Variants in STK33 observed in about 807,000 individuals in gnomAD.
The protein encoded by STK33 is serine/threonine kinase 33.
In STK33, 52 loss-of-function variants were observed where a neutral mutation model predicts 58.0. The observed-to-expected ratio is 0.90, with a 90% CI of 0.72 to 1.13. STK33 has a LOEUF of 1.13. Among genes scored for constraint, STK33 ranks in the 50% most tolerant of loss-of-function variants. The probability of loss-of-function intolerance (pLI) is 0.00; values close to 1 mark genes in which losing one functional copy is unlikely to be tolerated. For synonymous variants in STK33, 215 were observed against 200.1 expected (o/e 1.07, Z -0.63); for missense variants, 630 against 604.2 (o/e 1.04, Z -0.45).
At chr11:8,411,682 T>C (rs1389793374) in intron 15 of STK33, among the ~76,000 whole-genome samples, 1 of 152,190 alleles carries the variant, frequency 6.6e-6, no homozygotes, top group African/African-American at 2.4e-5. Context: ...CAGAGTCTGC[T>C]TGAATACTTC....
chr11:8,488,662 T>C (rs1950355628), intron 1 of STK33, among the ~76,000 whole-genome samples: 1 of 151,954 alleles, frequency 6.6e-6, no homozygotes, highest in South Asian at 2.1e-4. Context: ...ATATAGATTA[T>C]AGTCTTCAGA....
the STK33 span, among the ~76,000 whole-genome samples, chr11:8,371,894 T>G: frequency 6.6e-6 from 1 of 151,000 alleles, no homozygotes. Flanking sequence ...TCCTTTATTT[T>G]TATTTTTTTG....
chr11:8,581,851 T>C (rs1410838711), intron 1 of STK33, among the ~76,000 whole-genome samples: 7 of 152,244 alleles, frequency 4.6e-5, no homozygotes, highest in Non-Finnish European at 8.8e-5. Context: ...AATCATTTCA[T>C]ATAACTAGTA....
At chr11:8,370,482 C>T in the STK33 span, among the ~76,000 whole-genome samples, 4 of 152,136 alleles carry the variant, frequency 2.6e-5, no homozygotes, top group African/African-American at 9.7e-5. Context: ...CAGGCACGAT[C>T]CACCCTGCCA....
intron 11 of STK33, among the ~76,000 whole-genome samples, chr11:8,451,464 G>A (rs1342408785): frequency 6.6e-6 from 1 of 152,136 alleles, no homozygotes; most frequent in Non-Finnish European, 1.5e-5. Context: ...ATTATTCTAA[G>A]TGAAAGCAAG....
At chr11:8,359,804 G>C in the STK33 span, among the ~76,000 whole-genome samples, 2 of 152,268 alleles carry the variant, frequency 1.3e-5, no homozygotes, top group African/African-American at 2.4e-5. Flanking sequence ...CACAGGGGTG[G>C]TCTAGCAGAA....
chr11:8,424,089 T>G (rs902597098), intron 14 of STK33, among the ~76,000 whole-genome samples: 1 of 151,762 alleles, frequency 6.6e-6, no homozygotes, highest in Non-Finnish European at 1.5e-5. Flanking sequence ...CTGCACCCAT[T>G]AACTCATCAT....
chr11:8,481,201 C>G (rs1478885205), intron 1 of STK33, among the ~76,000 whole-genome samples: 1 of 152,176 alleles, frequency 6.6e-6, no homozygotes, highest in Non-Finnish European at 1.5e-5. Flanking sequence ...TCGAAGGGTC[C>G]AGGCAACTTT....
At chr11:8,472,839 GTCCA>G (rs1948909184) in intron 6 of STK33, among the ~76,000 whole-genome samples, 1 of 152,078 alleles carries the variant, frequency 6.6e-6, no homozygotes, top group South Asian at 2.1e-4. Flanking sequence ...AAATTACCTG[GTCCA>G]TCTCTGCATC....
chr11:8,559,316 T>A (rs1956973241), intron 1 of STK33, among the ~76,000 whole-genome samples: 2 of 152,174 alleles, frequency 1.3e-5, no homozygotes, highest in South Asian at 4.1e-4. Flanking sequence ...ATAGCCAAGT[T>A]CACAAACCTT....
chr11:8,483,706 C>G (rs1950006294), intron 1 of STK33, among the ~76,000 whole-genome samples: 1 of 152,146 alleles, frequency 6.6e-6, no homozygotes, highest in East Asian at 1.9e-4. Context: ...CCAGCCAGTA[C>G]AATCAATCAA....
the STK33 span, among the ~76,000 whole-genome samples, chr11:8,359,041 G>A: frequency 6.6e-6 from 1 of 152,144 alleles, no homozygotes; most frequent in Non-Finnish European, 1.5e-5. Flanking sequence ...CTTGAGAAAC[G>A]TTAGATAAAC....
chr11:8,589,112 C>T (rs1001701050), intron 1 of STK33, among the ~76,000 whole-genome samples: 1 of 152,050 alleles, frequency 6.6e-6, no homozygotes, highest in East Asian at 1.9e-4. Context: ...TTTGACAGTT[C>T]CTCAAAAAGT....
At chr11:8,488,272 G>A (rs1565169386) in intron 1 of STK33, among the ~76,000 whole-genome samples, 2 of 152,110 alleles carry the variant, frequency 1.3e-5, no homozygotes, top group Non-Finnish European at 2.9e-5. Flanking sequence ...AACACTTGGA[G>A]CAACAACAGA....
In STK33 at chr11:8,456,326, T is replaced by C. The variant is rs543362216; in HGVS notation, c.697+1015A>G. Among the ~76,000 whole-genome samples, 27 of 151,914 alleles carry C rather than the reference T, an allele frequency of 1.8e-4. 1 individual carries two copies. In the East Asian group the frequency reaches 5.2e-3, roughly 29 times the overall value. On this transcript the variant is annotated intron_variant, in intron 9 of 15. Coordinates refer to ENST00000687296, the MANE Select transcript of STK33 (RefSeq NM_001352389.2). Reference sequence around the variant, plus strand: ...TTCTTTCCTGACTTTCCAAGCCAAATGAGGTAACTTAAACTCCTGTAATCC... The same window carrying C: ...TTCTTTCCTGACTTTCCAAGCCAAACGAGGTAACTTAAACTCCTGTAATCC...
intron 14 of STK33, among the ~76,000 whole-genome samples, chr11:8,428,295 A>G (rs1169593755): frequency 6.6e-6 from 1 of 152,182 alleles, no homozygotes; most frequent in Admixed American, 6.5e-5. Context: ...GACCCTTGTG[A>G]AGGGATATGT....
chr11:8,456,823 T>C (rs1946913724), intron 9 of STK33, among the ~76,000 whole-genome samples: 1 of 152,222 alleles, frequency 6.6e-6, no homozygotes, highest in Non-Finnish European at 1.5e-5. Flanking sequence ...TGAATCCTAA[T>C]ATAAGCTATG....
At chr11:8,443,806 C>T (rs1945064604) in intron 11 of STK33, among the ~76,000 whole-genome samples, 1 of 152,050 alleles carries the variant, frequency 6.6e-6, no homozygotes, top group African/African-American at 2.4e-5. Flanking sequence ...TGAGATCAGC[C>T]GGGGCATGAG....
chr11:8,348,689 C>T, the STK33 span, among the ~76,000 whole-genome samples: 1 of 152,276 alleles, frequency 6.6e-6, no homozygotes, highest in Admixed American at 6.5e-5. Context: ...GCTTTAGGAA[C>T]TTAGAAAACC....
Sources: allele counts gnomAD v4.1 joint callset (sites outside exome capture counted in the v4.1 genomes callset), GRCh38; gene constraint gnomAD v4.1.1; transcripts MANE v1.5; gene names NCBI Gene and HGNC (gene_info 2026-07-23, HGNC 2026-07-21).